Variants in CCSER1 observed in about 807,000 individuals in gnomAD.
CCSER1 encodes serine-rich coiled-coil domain-containing protein 1.
A neutral mutation model predicts 82.0 loss-of-function variants in CCSER1; 41 were observed. That is an observed-to-expected ratio of 0.50 (90% CI 0.39 to 0.65). The LOEUF (loss-of-function observed/expected upper bound fraction) is 0.65. Ranked by LOEUF, CCSER1 falls within the 30% of genes least tolerant of loss-of-function variation. The probability of loss-of-function intolerance (pLI) is 0.00; values close to 1 mark genes in which losing one functional copy is unlikely to be tolerated. For synonymous variants in CCSER1, 414 were observed against 383.9 expected, an observed-to-expected ratio of 1.08 and a Z score of -0.92; for missense variants, 1,119 against 1,064.2, an observed-to-expected ratio of 1.05 and a Z score of -0.72.
chr4:90,152,566 A>T (rs576488636), intron 1 of CCSER1, among the ~76,000 whole-genome samples: 1 of 152,280 alleles, frequency 6.6e-6, no homozygotes, highest in East Asian at 1.9e-4. Flanking sequence ...AGTGTGATTT[A>T]GACATTCACA....
intron 4 of CCSER1, among the ~76,000 whole-genome samples, chr4:90,407,708 C>T (rs1469124005): frequency 6.6e-5 from 10 of 152,108 alleles, no homozygotes; most frequent in South Asian, 2.1e-4. Context: ...CCAGCGTGAG[C>T]GACGCAGAAG....
chr4:90,838,473 T>C (rs890712462), intron 8 of CCSER1, among the ~76,000 whole-genome samples: 1 of 146,438 alleles, frequency 6.8e-6, no homozygotes, highest in African/African-American at 2.5e-5. Context: ...TAAATATAAA[T>C]ATTTCATAAT....
chr4:90,309,406 A>G lies in CCSER1; in HGVS notation c.1122A>G (p.Glu374=). ...ESNLPADSER[E]ENIGLQNGET... is the part of the protein sequence containing the mutation. ...ACCTACCAGCAGATAGTGAAAGAGA[A>G]GAAAATATAGGGTTACAAAATGGTG... The change falls in exon 2 of 11, where the codon GAA becomes GAG. Residue 374 remains glutamate (E), a synonymous_variant. Coordinates refer to ENST00000509176, the MANE Select transcript of CCSER1 (RefSeq NM_001145065.2). 2 of 1,613,854 alleles carry G rather than the reference A, an allele frequency of 1.2e-6. No homozygotes were observed. Among genetic ancestry groups the G allele is most frequent in the Non-Finnish European group, 1.7e-6 (2 of 1,179,794 alleles).
intron 10 of CCSER1, among the ~76,000 whole-genome samples, chr4:91,372,715 G>A (rs1426556107): frequency 6.6e-6 from 1 of 152,058 alleles, no homozygotes; most frequent in Non-Finnish European, 1.5e-5. Flanking sequence ...ATCATAAACT[G>A]ATGGAATATA....
At chr4:91,074,421 G>A (rs759201640) in intron 9 of CCSER1, among the ~76,000 whole-genome samples, 3 of 152,276 alleles carry the variant, frequency 2.0e-5, no homozygotes, top group Non-Finnish European at 2.9e-5. Context: ...TGCAGTTAAC[G>A]ATGGAGTAGG....
chr4:90,168,350 A>C (rs1483326402), intron 1 of CCSER1, among the ~76,000 whole-genome samples: 1 of 151,782 alleles, frequency 6.6e-6, no homozygotes, highest in Non-Finnish European at 1.5e-5. Context: ...AATTTGTTTG[A>C]GTTCATTGTA....
At chr4:90,866,793 G>T (rs1182332972) in intron 8 of CCSER1, among the ~76,000 whole-genome samples, 1 of 151,964 alleles carries the variant, frequency 6.6e-6, no homozygotes, top group Non-Finnish European at 1.5e-5. Context: ...GGTGGAGCAG[G>T]GTGGGGATGA....
chr4:91,285,974 T>G lies in CCSER1; in HGVS notation c.2217+199980T>G, dbSNP rs545330249. ...TTGATTCTAGCGTGTTTGTTTTGTT[T>G]TTTTTTTCCATTTCTACCTACATCA... On this transcript the variant is annotated intron_variant, in intron 10 of 10. Coordinates refer to ENST00000509176, the MANE Select transcript of CCSER1 (RefSeq NM_001145065.2). Among the ~76,000 whole-genome samples, 18 of 151,912 alleles carry G rather than the reference T, an allele frequency of 1.2e-4. No homozygotes were observed. In the South Asian group the frequency reaches 3.7e-3, roughly 31 times the overall value.
intron 9 of CCSER1, among the ~76,000 whole-genome samples, chr4:90,998,014 T>C (rs1737650995): frequency 6.6e-6 from 1 of 152,184 alleles, no homozygotes; most frequent in African/African-American, 2.4e-5. Flanking sequence ...ATTAAATATT[T>C]GCTTAATAAT....
chr4:91,440,035 T>G (rs1305428566), intron 10 of CCSER1, among the ~76,000 whole-genome samples: 16 of 151,906 alleles, frequency 1.1e-4, no homozygotes, highest in African/African-American at 3.9e-4. Flanking sequence ...AACACCCCAC[T>G]GTCAACATTA....
At chr4:90,853,662 T>G (rs1234895266) in intron 8 of CCSER1, among the ~76,000 whole-genome samples, 3 of 152,140 alleles carry the variant, frequency 2.0e-5, no homozygotes, top group Non-Finnish European at 1.5e-5. Flanking sequence ...AACTTCAAAA[T>G]GAACATGTTG....
chr4:91,486,904 C>T (rs1446666754), intron 10 of CCSER1, among the ~76,000 whole-genome samples: 2 of 151,922 alleles, frequency 1.3e-5, no homozygotes, highest in Non-Finnish European at 2.9e-5. Flanking sequence ...GGATTGATTA[C>T]CATTGTATAA....
At chr4:90,366,101 A>G (rs1746234340) in intron 3 of CCSER1, among the ~76,000 whole-genome samples, 1 of 152,054 alleles carries the variant, frequency 6.6e-6, no homozygotes, top group South Asian at 2.1e-4. Flanking sequence ...GCTGTTCAGT[A>G]TTCATAGCCA....
At chr4:90,637,579 A>G (rs970992570) in intron 6 of CCSER1, among the ~76,000 whole-genome samples, 8 of 152,166 alleles carry the variant, frequency 5.3e-5, no homozygotes, top group Non-Finnish European at 1.2e-4. Context: ...GGCCATTCAA[A>G]GTATCATTCA....
intron 5 of CCSER1, among the ~76,000 whole-genome samples, chr4:90,541,687 C>T (rs1374208225): frequency 6.6e-6 from 1 of 151,800 alleles, no homozygotes. Flanking sequence ...TATATAGCAG[C>T]TAATATCTGT....
intron 9 of CCSER1, among the ~76,000 whole-genome samples, chr4:90,950,122 A>G (rs533591852): frequency 1.3e-5 from 2 of 152,276 alleles, no homozygotes; most frequent in East Asian, 3.9e-4. Flanking sequence ...AAGAAGAACC[A>G]CAGTTAGCTA....
At chr4:91,533,596 C>A (rs1470795312) in intron 10 of CCSER1, among the ~76,000 whole-genome samples, 1 of 152,070 alleles carries the variant, frequency 6.6e-6, no homozygotes, top group South Asian at 2.1e-4. Flanking sequence ...TTGGTATAAG[C>A]CAGGATAAGT....
chr4:90,773,013 G>A (rs956731858), intron 7 of CCSER1, among the ~76,000 whole-genome samples: 3 of 152,142 alleles, frequency 2.0e-5, no homozygotes, highest in African/African-American at 7.2e-5. Flanking sequence ...TGCCAAGGCG[G>A]GCGGATCACC....
chr4:91,455,905 C>T (rs1756140927), intron 10 of CCSER1, among the ~76,000 whole-genome samples: 1 of 152,002 alleles, frequency 6.6e-6, no homozygotes, highest in Non-Finnish European at 1.5e-5. Context: ...AAAATTTTGT[C>T]TGCAAACCTT....
Sources: allele counts gnomAD v4.1 joint callset (sites outside exome capture counted in the v4.1 genomes callset), GRCh38; gene constraint gnomAD v4.1.1; transcripts MANE v1.5; gene names NCBI Gene and HGNC (gene_info 2026-07-23, HGNC 2026-07-21).